TSPAN2: variants seen among roughly 807,000 people sequenced by gnomAD.
TSPAN2 encodes tetraspanin-2.
A neutral mutation model predicts 33.3 loss-of-function variants in TSPAN2; 24 were observed. That is an observed-to-expected ratio of 0.72 (90% confidence interval 0.52 to 1.01). TSPAN2 has a LOEUF of 1.01. Among genes scored for constraint, TSPAN2 ranks in the 50% least tolerant of loss-of-function variants. The pLI is 0.00. For missense variants in TSPAN2, 278 were observed against 281.3 expected (o/e 0.99, Z 0.08); for synonymous variants, 114 against 104.5 (o/e 1.09, Z -0.56).
intron 1 of TSPAN2, among the ~76,000 whole-genome samples, chr1:115,074,528 G>A (rs191088503): frequency 3.5e-4 from 53 of 152,192 alleles, no homozygotes; most frequent in Middle Eastern, 3.4e-3. Context: ...TAAAGGACCC[G>A]GGATCAATCA....
intron 1 of TSPAN2, among the ~76,000 whole-genome samples, chr1:115,086,129 C>A (rs1257038178): frequency 6.6e-6 from 1 of 152,020 alleles, no homozygotes; most frequent in African/African-American, 2.4e-5. Flanking sequence ...TTCCTATGTG[C>A]CGATAACAAA....
chr1:115,075,184 GTGTTTGA>G (rs555575870), intron 1 of TSPAN2, among the ~76,000 whole-genome samples: 1 of 152,304 alleles, frequency 6.6e-6, no homozygotes, highest in Admixed American at 6.5e-5. Flanking sequence ...TGGCACAGAT[GTGTTTGA>G]TGCATAATGG....
At chr1:115,077,203 G>A (rs1303167071) in intron 1 of TSPAN2, among the ~76,000 whole-genome samples, 1 of 152,000 alleles carries the variant, frequency 6.6e-6, no homozygotes, top group Non-Finnish European at 1.5e-5. Flanking sequence ...ACAAGTATGA[G>A]CCACCGTGCC....
At chr1:115,087,402 T>G (rs1570988847) in intron 1 of TSPAN2, among the ~76,000 whole-genome samples, 1 of 151,210 alleles carries the variant, frequency 6.6e-6, no homozygotes, top group Non-Finnish European at 1.5e-5. Flanking sequence ...GATCATGAGG[T>G]CAGAAGATGG....
At chr1:115,075,689 G>T (rs536882853) in intron 1 of TSPAN2, among the ~76,000 whole-genome samples, 2 of 152,134 alleles carry the variant, frequency 1.3e-5, no homozygotes, top group African/African-American at 4.8e-5. Context: ...TCTCCCCAAA[G>T]ACCTGAAGGA....
intron 5 of TSPAN2, chr1:115,058,225 G>C (rs913972799): frequency 8.4e-5 from 13 of 155,602 alleles, no homozygotes; most frequent in African/African-American, 3.1e-4. Context: ...CAAGAACTAG[G>C]TACCTGAAAA....
At chr1:115,056,535 C>A (rs2101024354) in intron 6 of TSPAN2, among the ~76,000 whole-genome samples, 1 of 152,192 alleles carries the variant, frequency 6.6e-6, no homozygotes, top group South Asian at 2.1e-4. Context: ...GGCACGCAGG[C>A]CTCCCCCTCC....
At chr1:115,062,254 A>G (rs1296820601) in intron 2 of TSPAN2, 22 bp from the exon 3 acceptor site, 2 of 1,559,928 alleles carry the variant, frequency 1.3e-6, no homozygotes, top group Non-Finnish European at 1.7e-6. Context: ...AGGTCAGAGG[A>G]GACCACTGAG....
intron 6 of TSPAN2, among the ~76,000 whole-genome samples, chr1:115,053,885 A>G (rs1452766202): frequency 2.0e-5 from 3 of 152,250 alleles, no homozygotes; most frequent in Non-Finnish European, 4.4e-5. Context: ...CCAATTTACT[A>G]TGCAAAGTAG....
chr1:115,085,848 G>C (rs1346581995), intron 1 of TSPAN2, among the ~76,000 whole-genome samples: 12 of 152,128 alleles, frequency 7.9e-5, no homozygotes, highest in Non-Finnish European at 7.4e-5. Context: ...AACTGGGGGA[G>C]AGGAAGGTCC....
At position 115,049,417 on chromosome 1, in the gene TSPAN2, G is replaced by C. The variant is rs1311677918; in HGVS notation, c.*1073C>G. On this transcript the variant is annotated 3_prime_UTR_variant, in exon 8 of 8. Transcript: ENST00000369516. ...AAGGACTTTGTTTTACTTATGTTAA[G>C]TGGTGAAAACTGTAGTTCTTAATCT... 2 of 152,556 alleles carry C rather than the reference G, an allele frequency of 1.3e-5. No homozygotes were observed. Among genetic ancestry groups the C allele is most frequent in the African/African-American group, 4.8e-5 (2 of 41,432 alleles). The allele number at this position is 152,556 out of a possible 1,614,324, so 9.5% of individuals were successfully genotyped here.
intron 1 of TSPAN2, among the ~76,000 whole-genome samples, chr1:115,076,953 C>T (rs1648435507): frequency 6.6e-6 from 1 of 150,760 alleles, no homozygotes; most frequent in Non-Finnish European, 1.5e-5. Context: ...CAAGGTCTCA[C>T]TCTGTCACCC....
chr1:115,049,672 G>A lies in TSPAN2; in HGVS notation c.*818C>T, dbSNP rs569844054. On this transcript the variant is annotated 3_prime_UTR_variant, in exon 8 of 8. Transcript: ENST00000369516. The stretch of plus-strand genomic sequence containing the variant: ...GTGAGGGTTGCAGTAGTTTACAGCA[G>A]GGTCAGAAAATGAAAGTAATAAAGC... 1 of 152,506 alleles carries A rather than the reference G, an allele frequency of 6.6e-6. No individual in the cohort carries two copies. The highest frequency in any genetic ancestry group is 2.4e-5 in the African/African-American group (1 of 41,410). 9.4% of individuals were successfully genotyped at this position (152,506 alleles called of 1,614,324 possible).
chr1:115,058,288 T>C (rs574692679), intron 5 of TSPAN2: 1 of 157,346 alleles, frequency 6.4e-6, no homozygotes, highest in South Asian at 1.9e-4. Context: ...GTCTAAAAAA[T>C]CAGAATAACT....
chr1:115,087,019 A>T (rs1414843914), intron 1 of TSPAN2, among the ~76,000 whole-genome samples: 1 of 152,068 alleles, frequency 6.6e-6, no homozygotes, highest in Non-Finnish European at 1.5e-5. Context: ...TCCCGGGTTC[A>T]AGAGATTCTT....
intron 3 of TSPAN2, 113 bp downstream of exon 3, chr1:115,062,022 G>T: frequency 1.2e-6 from 1 of 841,064 alleles, no homozygotes; most frequent in Non-Finnish European, 1.9e-6. Flanking sequence ...GCATGCCAAG[G>T]GCTCAGAGAG....
intron 6 of TSPAN2, among the ~76,000 whole-genome samples, 163 bp from the exon 7 acceptor site, chr1:115,053,625 G>A (rs1249163455): frequency 6.6e-6 from 1 of 152,108 alleles, no homozygotes; most frequent in Non-Finnish European, 1.5e-5. Flanking sequence ...ATCCTAATAA[G>A]CTTAATGCAA....
chr1:115,072,190 C>CA (rs948416448), intron 2 of TSPAN2, among the ~76,000 whole-genome samples: 4 of 152,246 alleles, frequency 2.6e-5, no homozygotes, highest in African/African-American at 7.2e-5. Context: ...CTACTAAGAA[C>CA]ACTGCCTTGC....
chr1:115,083,437 C>T (rs1473690930), intron 1 of TSPAN2, among the ~76,000 whole-genome samples: 2 of 152,090 alleles, frequency 1.3e-5, no homozygotes, highest in Non-Finnish European at 2.9e-5. Context: ...AAAAGAACTG[C>T]CAAAAACAAG....
Sources: allele counts gnomAD v4.1 joint callset (sites outside exome capture counted in the v4.1 genomes callset), GRCh38; gene constraint gnomAD v4.1.1; transcripts MANE v1.5; gene names NCBI Gene and HGNC (gene_info 2026-07-23, HGNC 2026-07-21).